Variants in PPP1R9A observed in about 807,000 individuals in gnomAD.
The protein encoded by PPP1R9A is protein phosphatase 1 regulatory subunit 9A.
Under a neutral mutation model 141.9 loss-of-function variants are expected in PPP1R9A, and 59 were observed. The observed-to-expected ratio is 0.42, with a 90% CI of 0.34 to 0.52. PPP1R9A has a LOEUF of 0.52. Among genes scored for constraint, PPP1R9A ranks in the 20% least tolerant of loss-of-function variants. The pLI is 0.10. For synonymous variants in PPP1R9A, 500 were observed against 569.7 expected, an observed-to-expected ratio of 0.88 and a Z score of 1.74; for missense variants, 1,444 against 1,611.9, an observed-to-expected ratio of 0.90 and a Z score of 1.78.
At chr7:95,040,545 AC>A (rs1251410477) in intron 2 of PPP1R9A, among the ~76,000 whole-genome samples, 1 of 152,136 alleles carries the variant, frequency 6.6e-6, no homozygotes, top group Non-Finnish European at 1.5e-5. Context: ...CCTGTTGCCC[AC>A]AGGAGTTGAC....
intron 7 of PPP1R9A, among the ~76,000 whole-genome samples, chr7:95,224,355 T>C (rs926201395): frequency 6.6e-6 from 1 of 152,134 alleles, no homozygotes; most frequent in African/African-American, 2.4e-5. Flanking sequence ...ATTCTGAGCT[T>C]ACTTCTGTAC....
At chr7:95,213,320 CTTTT>C (rs548473436) in intron 7 of PPP1R9A, among the ~76,000 whole-genome samples, 4 of 129,122 alleles carry the variant, frequency 3.1e-5, no homozygotes, top group Non-Finnish European at 1.6e-5. Flanking sequence ...CTTTCTCTTT[CTTTT>C]TTTTTTTTTT....
intron 2 of PPP1R9A, among the ~76,000 whole-genome samples, chr7:94,959,789 AT>A (rs1222320237): frequency 1.6e-4 from 24 of 151,880 alleles, no homozygotes; most frequent in African/African-American, 5.1e-4. Context: ...TACTTAAAAT[AT>A]GATTGGTTTT....
At chr7:95,151,941 C>CT (rs1167382285) in intron 4 of PPP1R9A, among the ~76,000 whole-genome samples, 1,140 of 54,448 alleles carry the variant, frequency 0.021, 311 homozygotes, top group African/African-American at 0.03. Flanking sequence ...TACTGAGAAT[C>CT]TTTTTTTTTT....
intron 2 of PPP1R9A, among the ~76,000 whole-genome samples, chr7:95,098,680 T>A (rs1219810108): frequency 2.0e-5 from 3 of 152,184 alleles, no homozygotes; most frequent in African/African-American, 7.2e-5. Context: ...CGCAGTTGTT[T>A]CTGATGACCT....
At chr7:95,180,172 T>C (rs562191304) in intron 5 of PPP1R9A, among the ~76,000 whole-genome samples, 42 of 152,166 alleles carry the variant, frequency 2.8e-4, no homozygotes, top group African/African-American at 8.7e-4. Context: ...GGTATAAAAA[T>C]AGGCATATAG....
At chr7:94,943,192 A>G (rs1795530286) in intron 2 of PPP1R9A, among the ~76,000 whole-genome samples, 1 of 152,194 alleles carries the variant, frequency 6.6e-6, no homozygotes, top group Non-Finnish European at 1.5e-5. Flanking sequence ...AAGTATTTTT[A>G]TTTATATTAT....
In PPP1R9A at chr7:95,198,488, A is replaced by G. The variant is rs916324928; in HGVS notation, c.1890+4A>G. On this transcript the variant is annotated splice_donor_region_variant and intron_variant, in intron 6 of 19. Coordinates refer to ENST00000433360, the MANE Select transcript of PPP1R9A (RefSeq NM_001166160.2). Reference sequence around the variant, plus strand: ...GTATGATGCCGACGATGACGAGGTCAGTAGTGCTTGCAAAGATTCTTTTTC... The same window carrying G: ...GTATGATGCCGACGATGACGAGGTCGGTAGTGCTTGCAAAGATTCTTTTTC... The G allele has an allele frequency of 6.5e-7, 1 of 1,550,212 alleles. No individual in the cohort carries two copies. Among genetic ancestry groups the G allele is most frequent in the African/African-American group, 1.4e-5 (1 of 72,456 alleles).
At chr7:95,074,223 G>A (rs1365404240) in intron 2 of PPP1R9A, among the ~76,000 whole-genome samples, 4 of 152,012 alleles carry the variant, frequency 2.6e-5, no homozygotes, top group South Asian at 2.1e-4. Context: ...GTATTTAGCC[G>A]TTACCTTTTT....
chr7:95,270,645 A>G (rs923849196), intron 14 of PPP1R9A, among the ~76,000 whole-genome samples: 3 of 152,176 alleles, frequency 2.0e-5, no homozygotes, highest in African/African-American at 7.2e-5. Context: ...CCTGTTATAT[A>G]AACAACCTAA....
intron 12 of PPP1R9A, among the ~76,000 whole-genome samples, chr7:95,268,317 T>C (rs1801619250): frequency 1.3e-5 from 2 of 152,154 alleles, no homozygotes; most frequent in Admixed American, 1.3e-4. Flanking sequence ...TTTTCGGATG[T>C]TGGATTTTTA....
At chr7:95,204,463 GT>G (rs1271053506) in intron 7 of PPP1R9A, among the ~76,000 whole-genome samples, 1 of 152,012 alleles carries the variant, frequency 6.6e-6, no homozygotes, top group African/African-American at 2.4e-5. Flanking sequence ...TATATCCTTT[GT>G]TTTATGATCC....
intron 7 of PPP1R9A, among the ~76,000 whole-genome samples, chr7:95,223,505 C>T (rs538365259): frequency 9.2e-5 from 14 of 152,052 alleles, no homozygotes; most frequent in East Asian, 7.7e-4. Context: ...CAAGTTAATG[C>T]GTTGGCATTC....
At chr7:95,266,913 T>C (rs1225499088) in intron 12 of PPP1R9A, among the ~76,000 whole-genome samples, 4 of 152,072 alleles carry the variant, frequency 2.6e-5, no homozygotes, top group Admixed American at 1.3e-4. Context: ...AAGGAGGAAA[T>C]TAAAGTGATC....
intron 14 of PPP1R9A, among the ~76,000 whole-genome samples, chr7:95,271,549 G>T (rs1480581282): frequency 1.3e-5 from 2 of 152,146 alleles, no homozygotes; most frequent in Non-Finnish European, 2.9e-5. Context: ...AACAGAGGAG[G>T]TCATGAGCGC....
At chr7:94,909,382 T>C (rs1272570644) in intron 1 of PPP1R9A, among the ~76,000 whole-genome samples, 1 of 152,162 alleles carries the variant, frequency 6.6e-6, no homozygotes, top group Admixed American at 6.5e-5. Flanking sequence ...ATGAGAACAT[T>C]GGACCAAAAA....
chr7:95,095,519 C>T (rs1165536573), intron 2 of PPP1R9A, among the ~76,000 whole-genome samples: 2 of 152,154 alleles, frequency 1.3e-5, no homozygotes, highest in Non-Finnish European at 2.9e-5. Flanking sequence ...AGGATTTCCA[C>T]CCTCTGAGTT....
chr7:95,163,542 T>C (rs1168231550), intron 5 of PPP1R9A, among the ~76,000 whole-genome samples: 1 of 152,204 alleles, frequency 6.6e-6, no homozygotes, highest in African/African-American at 2.4e-5. Context: ...ATTTGCATTA[T>C]ATACTTAGTA....
intron 4 of PPP1R9A, among the ~76,000 whole-genome samples, chr7:95,142,728 A>G (rs943657328): frequency 6.6e-6 from 1 of 152,158 alleles, no homozygotes; most frequent in East Asian, 1.9e-4. Flanking sequence ...TGCAGAATGA[A>G]TTTGAGGAAC....
Sources: gnomAD v4.1 joint callset for allele counts (sites outside exome capture counted in the v4.1 genomes callset) on GRCh38, gnomAD v4.1.1 for gene constraint, MANE v1.5 for transcripts, NCBI Gene and HGNC (gene_info 2026-07-23, HGNC 2026-07-21) for gene names.